The following DNAI7 variants were observed in gnomAD, a reference collection of about 807,000 sequenced individuals.
The protein encoded by DNAI7 is dynein axonemal intermediate chain 7.
DNAI7 carries 78 observed loss-of-function variants against 86.6 expected under a neutral mutation model. The ratio of observed to expected loss-of-function variants is 0.90; its 90% CI spans 0.75 to 1.09. DNAI7 has a LOEUF of 1.09. Ranked by LOEUF, DNAI7 falls within the 50% of genes least tolerant of loss-of-function variation. The probability of loss-of-function intolerance (pLI) is 0.00; values close to 1 mark genes in which losing one functional copy is unlikely to be tolerated. For missense variants in DNAI7, 753 were observed against 810.2 expected (o/e 0.93, Z 0.86); for synonymous variants, 274 against 273.0 (o/e 1.00, Z -0.04).
At chr12:25,117,746 G>C (rs1267260146) in intron 12 of DNAI7, among the ~76,000 whole-genome samples, 2 of 152,040 alleles carry the variant, frequency 1.3e-5, no homozygotes, top group Non-Finnish European at 2.9e-5. Flanking sequence ...AGGTATACAA[G>C]TGGCTAGTTT....
chr12:25,144,801 A>C (rs1944622519), intron 8 of DNAI7, 124 bp from the exon 9 acceptor site: 1 of 735,486 alleles, frequency 1.4e-6, no homozygotes, highest in Non-Finnish European at 2.2e-6. Flanking sequence ...CTCTGATCAT[A>C]TGTGCTTTCT....
Position 25,154,360 on chromosome 12 carries a change from T to A in DNAI7, c.397A>T (p.Thr133Ser). Residue 133 changes from threonine to serine, a missense_variant, in exon 6 of 16, where the codon ACT becomes TCT. Coordinates refer to ENST00000395987, the MANE Select transcript of DNAI7 (RefSeq NM_018272.5). ...ISLWKEKTNE[T>S]FEEVIEKSKV... ...CTCTTCTCAATCACTTCCTCAAAAG[T>A]CTCATTTGTTTTCTCTTTCCACAAA... is the stretch of plus-strand genomic sequence containing the variant. 6.2e-7 allele frequency: 1 copy of A among 1,611,176 alleles called. No homozygotes were observed. Among genetic ancestry groups the A allele is most frequent in the Non-Finnish European group, 8.5e-7 (1 of 1,179,356 alleles).
intron 5 of DNAI7, 122 bp downstream of exon 5, chr12:25,155,189 T>C: frequency 1.9e-6 from 1 of 524,060 alleles, no homozygotes; most frequent in Non-Finnish European, 3.4e-6. Context: ...GCAATCAATT[T>C]GTCAGATGAG....
In DNAI7 at chr12:25,119,155, C is replaced by A; in HGVS notation, c.1386G>T (p.Trp462Cys). The change falls in exon 12 of 16, where the codon TGG (tryptophan) becomes TGT (cysteine). Residue 462 changes from tryptophan (W) to cysteine (C), a missense_variant. Trp to Cys is a radical substitution (Grantham distance 215). Transcript: ENST00000395987. ...TTATAAAAGCTGTACCTTCAGCATC[C>A]CACCTTACAACCACAGGATCCTCAA... ...IFFEDPVVVR[W>C]DAEGKHWRTD... 6.3e-7 allele frequency: 1 copy of A among 1,599,458 alleles called. No homozygotes were observed.
downstream of DNAI7, chr12:25,108,078 A>G: frequency 6.2e-7 from 1 of 1,605,404 alleles, no homozygotes; most frequent in Non-Finnish European, 8.5e-7. Flanking sequence ...ACATCCTAAT[A>G]TATGGATCTT....
intron 2 of DNAI7, among the ~76,000 whole-genome samples, chr12:25,182,467 T>C (rs1446203174): frequency 2.0e-5 from 3 of 151,908 alleles, no homozygotes; most frequent in Admixed American, 6.6e-5. Context: ...AAAGAAAATG[T>C]AGGGTGTGGT....
intron 2 of DNAI7, among the ~76,000 whole-genome samples, chr12:25,180,902 G>A (rs1482868412): frequency 6.6e-6 from 1 of 152,140 alleles, no homozygotes; most frequent in African/African-American, 2.4e-5. Flanking sequence ...TGCCTCCCGG[G>A]TTCAAGAGAT....
intron 9 of DNAI7, among the ~76,000 whole-genome samples, chr12:25,132,127 C>T (rs1592303879): frequency 1.3e-5 from 2 of 152,160 alleles, no homozygotes; most frequent in Middle Eastern, 3.4e-3. Flanking sequence ...AACGTTCCCC[C>T]TTTAAAGCCA....
At chr12:25,183,268 G>A (rs149738127) in intron 2 of DNAI7, among the ~76,000 whole-genome samples, 4 of 151,962 alleles carry the variant, frequency 2.6e-5, no homozygotes, top group East Asian at 2.0e-4. Context: ...GAAAAACTAC[G>A]TATTGGGACT....
chr12:25,138,561 A>G (rs1013840853), intron 9 of DNAI7, among the ~76,000 whole-genome samples: 4 of 152,204 alleles, frequency 2.6e-5, no homozygotes, highest in African/African-American at 9.7e-5. Flanking sequence ...AACCCTCAAA[A>G]CCATGCAAAT....
At chr12:25,124,986 T>C (rs1351875767) in intron 9 of DNAI7, among the ~76,000 whole-genome samples, 1 of 152,200 alleles carries the variant, frequency 6.6e-6, no homozygotes, top group Non-Finnish European at 1.5e-5. Context: ...TATTCCATGG[T>C]GGGTATGTAC....
Position 25,161,135 on chromosome 12 carries a change from C to T in DNAI7, c.84G>A (p.Glu28=). 1 of 1,613,758 alleles carries T rather than the reference C, an allele frequency of 6.2e-7. No individual in the cohort carries two copies. The highest frequency in any genetic ancestry group is 8.5e-7 in the Non-Finnish European group (1 of 1,179,778). Reference sequence around the variant, plus strand: ...TACCTTCCTCTTTCAGTCGTCTCTCCTCCTCCTCTTGTAGCAGCTTCAATC... The same window carrying T: ...TACCTTCCTCTTTCAGTCGTCTCTCTTCCTCCTCTTGTAGCAGCTTCAATC... ...AERLKLLQEE[E]ERRLKEEEEA... Residue 28 remains glutamate (E), a synonymous_variant, in exon 3 of 16, where the codon GAG becomes GAA. Transcript: ENST00000395987.
chr12:25,109,686 T>C (rs867833276), intron 15 of DNAI7, among the ~76,000 whole-genome samples: 2 of 150,552 alleles, frequency 1.3e-5, no homozygotes, highest in South Asian at 2.1e-4. Context: ...AAATTTGAAT[T>C]TTTTTTTTTG....
At chr12:25,113,882 A>C (rs1939487837) in intron 13 of DNAI7, among the ~76,000 whole-genome samples, 1 of 149,250 alleles carries the variant, frequency 6.7e-6, no homozygotes, top group Admixed American at 6.6e-5. Flanking sequence ...GGCAACCACT[A>C]ATCTACTTTT....
intron 3 of DNAI7, 112 bp from the exon 4 acceptor site, chr12:25,158,675 C>T: frequency 6.6e-7 from 1 of 1,503,794 alleles, no homozygotes; most frequent in East Asian, 2.5e-5. Context: ...TTATAGAAGT[C>T]ACAGTCTTTA....
At chr12:25,119,461 C>T (rs1940839677) in intron 11 of DNAI7, among the ~76,000 whole-genome samples, 160 bp from the exon 12 acceptor site, 2 of 152,108 alleles carry the variant, frequency 1.3e-5, no homozygotes, top group Admixed American at 1.3e-4. Flanking sequence ...TTAAAAGATA[C>T]ATGATTGAGA....
rs780549963 is a variant in DNAI7, at chr12:25,108,799, A to C, written c.1918T>G (p.Cys640Gly). 6.9e-6 allele frequency: 5 copies of C among 722,886 alleles called. No homozygotes were observed. Among genetic ancestry groups the C allele is most frequent in the Non-Finnish European group, 1.1e-5 (5 of 448,700 alleles). 44.8% of individuals were successfully genotyped at this position (722,886 alleles called of 1,614,324 possible). The change falls in exon 16 of 16, where the codon TGT becomes GGT. Residue 640 changes from cysteine to glycine, a missense_variant. By Grantham distance (159) the Cys-to-Gly change is radical. Coordinates refer to ENST00000395987, the MANE Select transcript of DNAI7 (RefSeq NM_018272.5). ...AGGGCCCAATTAGGATTCTCAGTAC[A>C]TGCTTCAGTAAGGTGTTCCCTCACC... ...FKVREHLTEA[C>G]TENPNWALLM... is the part of the protein sequence containing the mutation.
chr12:25,115,237 T>A (rs1396799995), intron 12 of DNAI7, among the ~76,000 whole-genome samples: 1 of 152,260 alleles, frequency 6.6e-6, no homozygotes, highest in Non-Finnish European at 1.5e-5. Flanking sequence ...TGTTCCCTAA[T>A]CTTTCAGAGA....
chr12:25,112,488 G>A (rs983319524), intron 13 of DNAI7, among the ~76,000 whole-genome samples: 11 of 135,820 alleles, frequency 8.1e-5, no homozygotes, highest in African/African-American at 2.6e-4. Context: ...CTCACTGCAA[G>A]CTCTGCCTCC....
Sources: gnomAD v4.1 joint callset for allele counts (sites outside exome capture counted in the v4.1 genomes callset) on GRCh38, gnomAD v4.1.1 for gene constraint, MANE v1.5 for transcripts, NCBI Gene and HGNC (gene_info 2026-07-23, HGNC 2026-07-21) for gene names.